The following SUPT3H variants were observed in gnomAD, a reference collection of about 807,000 sequenced individuals.
The protein encoded by SUPT3H is transcription initiation protein SPT3 homolog.
SUPT3H carries 44 observed loss-of-function variants against 44.3 expected under a neutral mutation model. The observed-to-expected ratio is 0.99, with a 90% CI of 0.78 to 1.28. SUPT3H has a LOEUF of 1.28. Ranked by LOEUF, SUPT3H falls within the 50% of genes most tolerant of loss-of-function variation. The pLI, the probability that SUPT3H is intolerant of heterozygous loss-of-function variation, is 0.00. For synonymous variants in SUPT3H, 124 were observed against 125.6 expected, an observed-to-expected ratio of 0.99 and a Z score of 0.09; for missense variants, 380 against 387.1, an observed-to-expected ratio of 0.98 and a Z score of 0.15.
chr6:45,250,433 CTAG>C (rs1772155855), intron 2 of SUPT3H, among the ~76,000 whole-genome samples: 1 of 151,218 alleles, frequency 6.6e-6, no homozygotes, highest in East Asian at 1.9e-4. Context: ...AAAATTTTGA[CTAG>C]AAGAATAAAA....
chr6:45,354,245 TAAC>T (rs1255514265), intron 2 of SUPT3H, among the ~76,000 whole-genome samples: 2 of 152,042 alleles, frequency 1.3e-5, no homozygotes, highest in African/African-American at 4.8e-5. Context: ...CCTAATTACT[TAAC>T]AGCAGGGATT....
At chr6:45,140,601 G>A (rs1211626400) in intron 2 of SUPT3H, among the ~76,000 whole-genome samples, 1 of 151,922 alleles carries the variant, frequency 6.6e-6, no homozygotes, top group East Asian at 1.9e-4. Flanking sequence ...ATTCAAAAAA[G>A]CCAGTGCACT....
At position 44,944,762 on chromosome 6, in the gene SUPT3H, C is replaced by CAAAAAAAAAAAAAAAAA. The variant is rs57506313; in HGVS notation, c.801+8531_801+8547dup. On this transcript the variant is annotated intron_variant, in intron 9 of 10. Coordinates refer to ENST00000371459, the MANE Select transcript of SUPT3H (RefSeq NM_003599.4). Reference sequence around the variant, plus strand: ...GGGAGACAAAGCAAGACCCTCTCTCCAAAAAAAAAAAAAAAAAAAAAAAGA... The same window carrying CAAAAAAAAAAAAAAAAA: ...GGGAGACAAAGCAAGACCCTCTCTCCAAAAAAAAAAAAAAAAAAAAAAAAAAAAAAAAAAAAAAAAGA... Among the ~76,000 whole-genome samples the CAAAAAAAAAAAAAAAAA allele has an allele frequency of 6.7e-4, 20 of 29,880 alleles. 2 individuals carry two copies. Among genetic ancestry groups the CAAAAAAAAAAAAAAAAA allele is most frequent in the East Asian group, 1.6e-3 (2 of 1,282 alleles). The allele number at this position is 29,880 out of a possible 152,430, so 19.6% of individuals were successfully genotyped here.
intron 2 of SUPT3H, among the ~76,000 whole-genome samples, chr6:45,129,414 G>A (rs1013504409): frequency 6.6e-6 from 1 of 152,218 alleles, no homozygotes; most frequent in Non-Finnish European, 1.5e-5. Context: ...TCAAGTCCTC[G>A]CACAACAAAT....
intron 10 of SUPT3H, among the ~76,000 whole-genome samples, chr6:44,889,651 T>A (rs1561973144): frequency 6.6e-6 from 1 of 152,084 alleles, no homozygotes; most frequent in African/African-American, 2.4e-5. Flanking sequence ...CCTAAAACCA[T>A]AAAAACCCTA....
At chr6:45,008,948 C>A (rs1583026743) in intron 5 of SUPT3H, among the ~76,000 whole-genome samples, 1 of 152,218 alleles carries the variant, frequency 6.6e-6, no homozygotes, top group South Asian at 2.1e-4. Context: ...ACTATGTTGG[C>A]CAGGCTGGTC....
chr6:45,267,112 C>A (rs1244431698), intron 2 of SUPT3H, among the ~76,000 whole-genome samples: 3 of 152,024 alleles, frequency 2.0e-5, no homozygotes, highest in East Asian at 1.9e-4. Flanking sequence ...CACAAGTATT[C>A]CAAAATATGA....
chr6:45,318,925 CTA>C (rs761154141), intron 2 of SUPT3H, among the ~76,000 whole-genome samples: 2 of 152,052 alleles, frequency 1.3e-5, no homozygotes, highest in Non-Finnish European at 2.9e-5. Context: ...AATGTCAAAA[CTA>C]TTTTTAATTT....
intron 10 of SUPT3H, among the ~76,000 whole-genome samples, chr6:44,910,980 G>A (rs928522230): frequency 1.8e-5 from 2 of 108,880 alleles, no homozygotes; most frequent in African/African-American, 7.2e-5. Context: ...GGGCAACAGA[G>A]TGAGACTCCA....
chr6:45,116,350 G>A (rs751188563), intron 2 of SUPT3H, among the ~76,000 whole-genome samples: 43 of 152,050 alleles, frequency 2.8e-4, no homozygotes, highest in Non-Finnish European at 4.6e-4. Context: ...AACTGCGCAC[G>A]TTTCTCTCTC....
chr6:44,992,327 C>G (rs1011179999), intron 6 of SUPT3H, among the ~76,000 whole-genome samples: 1 of 152,076 alleles, frequency 6.6e-6, no homozygotes, highest in African/African-American at 2.4e-5. Flanking sequence ...GTCAAATATC[C>G]GTTTAGGCAA....
intron 10 of SUPT3H, among the ~76,000 whole-genome samples, chr6:44,893,051 C>T (rs1305716177): frequency 6.6e-6 from 1 of 151,856 alleles, no homozygotes; most frequent in Non-Finnish European, 1.5e-5. Context: ...ACAATATATA[C>T]AAACACACAC....
At chr6:44,923,469 G>T (rs1050304004) in intron 10 of SUPT3H, among the ~76,000 whole-genome samples, 4 of 152,014 alleles carry the variant, frequency 2.6e-5, no homozygotes, top group African/African-American at 9.7e-5. Flanking sequence ...TGATTAGTAA[G>T]TTACGTCTTG....
intron 9 of SUPT3H, among the ~76,000 whole-genome samples, chr6:44,935,484 C>T (rs12208332): frequency 0.21 from 31,280 of 152,044 alleles, 3,919 homozygotes; most frequent in Non-Finnish European, 0.29. Context: ...AAAAACTAAA[C>T]CCAAATATTT....
intron 4 of SUPT3H, among the ~76,000 whole-genome samples, chr6:45,019,326 G>GT (rs1322228532): frequency 4.0e-5 from 6 of 151,882 alleles, no homozygotes; most frequent in African/African-American, 1.4e-4. Flanking sequence ...TTTTTGAAGG[G>GT]TTTTTTTGTG....
intron 2 of SUPT3H, among the ~76,000 whole-genome samples, chr6:45,291,191 G>C (rs1780261136): frequency 6.6e-6 from 1 of 152,142 alleles, no homozygotes; most frequent in Non-Finnish European, 1.5e-5. Context: ...AGATCCAGAA[G>C]AGAGATAATC....
At chr6:44,877,623 T>C (rs1777525307) in intron 10 of SUPT3H, among the ~76,000 whole-genome samples, 2 of 152,336 alleles carry the variant, frequency 1.3e-5, no homozygotes, top group South Asian at 2.1e-4. Flanking sequence ...TTCTTCAGCA[T>C]GGCTAAAGGG....
chr6:44,953,154 C>T (rs551988380), intron 9 of SUPT3H, among the ~76,000 whole-genome samples, 156 bp downstream of exon 9: 26 of 152,176 alleles, frequency 1.7e-4, no homozygotes, highest in Non-Finnish European at 2.9e-4. Flanking sequence ...ACAGTAGGTG[C>T]TCAATTAAAT....
At chr6:45,377,711 GCTCT>G (rs1198975009) in intron 1 of SUPT3H, 53 bp downstream of exon 1, 1 of 152,232 alleles carries the variant, frequency 6.6e-6, no homozygotes, top group East Asian at 1.9e-4. Flanking sequence ...GTCCCTCCCG[GCTCT>G]CTGACGTCTC....
Sources: allele counts gnomAD v4.1 joint callset (sites outside exome capture counted in the v4.1 genomes callset), GRCh38; gene constraint gnomAD v4.1.1; transcripts MANE v1.5; gene names NCBI Gene and HGNC (gene_info 2026-07-23, HGNC 2026-07-21).